CXCL13: variants seen among roughly 807,000 people sequenced by gnomAD.
CXCL13 encodes the protein C-X-C motif chemokine ligand 13, also known as C-X-C motif chemokine 13.
CXCL13 carries 7 observed loss-of-function variants against 12.2 expected under a neutral mutation model. The ratio of observed to expected loss-of-function variants is 0.57; its 90% CI spans 0.33 to 1.07. CXCL13 has a LOEUF of 1.07. CXCL13 is among the 50% of genes least tolerant of loss of function. CXCL13 has a pLI of 0.04. For synonymous variants in CXCL13, 47 were observed against 42.4 expected (o/e 1.11, Z -0.42); for missense variants, 113 against 127.4 (o/e 0.89, Z 0.55).
At chr4:77,610,757 G>A (rs1727126625) in intron 3 of CXCL13, 63 bp downstream of exon 3, 1 of 1,301,832 alleles carries the variant, frequency 7.7e-7, no homozygotes, top group Non-Finnish European at 1.1e-6. Flanking sequence ...CCCTTTCCTG[G>A]GCAGTCAAAA....
rs139624775 is a variant in CXCL13, at chr4:77,568,967, C to G, written c.-42-36857C>G. On this transcript the variant is annotated intron_variant, in intron 1 of 4. Coordinates refer to the CXCL13 transcript ENST00000286758. ...GGAAAATAGCTGGGTTCTTGAAAGA[C>G]TTAGAAAAACTTCTATATCTAGCAG... Among the ~76,000 whole-genome samples the G allele has an allele frequency of 1.2e-3, 183 of 152,300 alleles. 4 individuals are homozygous for G. In the East Asian group the frequency reaches 0.026, roughly 22 times the overall value.
chr4:77,603,000 A>G (rs1054027500), upstream of CXCL13, among the ~76,000 whole-genome samples: 1 of 152,212 alleles, frequency 6.6e-6, no homozygotes, highest in Non-Finnish European at 1.5e-5. Context: ...CTGGGCATTA[A>G]AGAAACTGAA....
rs142728821 is a variant in CXCL13 at position 77,526,811 on chromosome 4, G to A, written c.-43+15023G>A. On this transcript the variant is annotated intron_variant, in intron 1 of 4. Transcript: ENST00000286758. ...GCTTAGGGAGGCCAGGGAGCCTTTC[G>A]TGAAGAAGAGGCCTTTGAGCTGAGA... Among the ~76,000 whole-genome samples the A allele has an allele frequency of 4.5e-3, 678 of 152,220 alleles. 18 individuals are homozygous for A. Among genetic ancestry groups the A allele is most frequent in the East Asian group, 0.026 (136 of 5,172 alleles).
intron 1 of CXCL13, among the ~76,000 whole-genome samples, chr4:77,546,188 C>T (rs1429256698): frequency 6.6e-6 from 1 of 151,810 alleles, no homozygotes; most frequent in Non-Finnish European, 1.5e-5. Context: ...ATGTTCATCA[C>T]TGATATTGGT....
At chr4:77,591,273 C>T (rs1275207704) in intron 1 of CXCL13, among the ~76,000 whole-genome samples, 2 of 151,980 alleles carry the variant, frequency 1.3e-5, no homozygotes, top group South Asian at 4.2e-4. Flanking sequence ...GTTTCTCAGC[C>T]GGGCGCAGTG....
chr4:77,539,325 C>T (rs1236061226), intron 1 of CXCL13, among the ~76,000 whole-genome samples: 1 of 152,178 alleles, frequency 6.6e-6, no homozygotes, highest in Non-Finnish European at 1.5e-5. Context: ...CAGGGGTTTG[C>T]CACTTTGGCC....
intron 1 of CXCL13, among the ~76,000 whole-genome samples, chr4:77,518,581 T>C (rs1724490546): frequency 6.6e-6 from 1 of 152,226 alleles, no homozygotes; most frequent in African/African-American, 2.4e-5. Context: ...TTCCAGTTGA[T>C]CGCATCAGCT....
intron 1 of CXCL13, among the ~76,000 whole-genome samples, chr4:77,555,919 C>T (rs1295836054): frequency 6.6e-6 from 1 of 151,986 alleles, no homozygotes; most frequent in East Asian, 1.9e-4. Context: ...TTTTACATAC[C>T]CATAGAATGG....
chr4:77,544,459 T>C (rs939632488), intron 1 of CXCL13, among the ~76,000 whole-genome samples: 1 of 152,218 alleles, frequency 6.6e-6, no homozygotes, highest in Non-Finnish European at 1.5e-5. Flanking sequence ...TGAGATGGTA[T>C]CTCATTGTGG....
intron 1 of CXCL13, among the ~76,000 whole-genome samples, chr4:77,573,279 A>G (rs996138019): frequency 2.0e-4 from 30 of 151,716 alleles, no homozygotes; most frequent in Admixed American, 2.6e-4. Flanking sequence ...AAGAGAAATA[A>G]TTTGAATCCA....
intron 1 of CXCL13, among the ~76,000 whole-genome samples, chr4:77,517,456 G>A (rs1470619028): frequency 2.0e-5 from 3 of 152,104 alleles, no homozygotes; most frequent in Non-Finnish European, 2.9e-5. Flanking sequence ...CTCTTTGTAG[G>A]TCACTCAGGG....
chr4:77,541,181 A>G (rs1255983546), intron 1 of CXCL13, among the ~76,000 whole-genome samples: 1 of 152,078 alleles, frequency 6.6e-6, no homozygotes, highest in African/African-American at 2.4e-5. Context: ...CAGTTTGTGA[A>G]TATTTCTCTC....
chr4:77,601,593 A>G (rs923925745), upstream of CXCL13, among the ~76,000 whole-genome samples: 1 of 152,220 alleles, frequency 6.6e-6, no homozygotes. Flanking sequence ...AGTATCACCT[A>G]TGTGCCTACT....
intron 1 of CXCL13, among the ~76,000 whole-genome samples, chr4:77,593,839 A>G (rs943395118): frequency 7.2e-5 from 11 of 152,152 alleles, no homozygotes; most frequent in Admixed American, 7.2e-4. Context: ...CCAGTCGAGG[A>G]GAGGTGAGGA....
chr4:77,587,520 G>A (rs970880148), intron 1 of CXCL13, among the ~76,000 whole-genome samples: 1 of 152,214 alleles, frequency 6.6e-6, no homozygotes, highest in African/African-American at 2.4e-5. Context: ...TGGCTCATAG[G>A]AGGGAGAGAC....
chr4:77,525,961 A>T (rs1724753662), intron 1 of CXCL13, among the ~76,000 whole-genome samples: 1 of 151,122 alleles, frequency 6.6e-6, no homozygotes, highest in Admixed American at 6.6e-5. Context: ...TAAATCTTAA[A>T]TGCTACTACT....
chr4:77,602,313 A>G (rs1021352659), upstream of CXCL13, among the ~76,000 whole-genome samples: 12 of 152,172 alleles, frequency 7.9e-5, no homozygotes, highest in African/African-American at 2.9e-4. Context: ...TGTCCTGTCC[A>G]CTTTTACTAA....
chr4:77,517,571 T>C (rs1724459237), intron 1 of CXCL13, among the ~76,000 whole-genome samples: 1 of 152,238 alleles, frequency 6.6e-6, no homozygotes, highest in African/African-American at 2.4e-5. Context: ...ATGGCCTTCT[T>C]TGTCTCTTTT....
At chr4:77,559,935 A>AC (rs1359348059) in intron 1 of CXCL13, among the ~76,000 whole-genome samples, 3 of 151,210 alleles carry the variant, frequency 2.0e-5, no homozygotes, top group African/African-American at 4.9e-5. Flanking sequence ...AAAAAAAAAA[A>AC]AAAAACCTGA....
Sources: allele counts gnomAD v4.1 joint callset (sites outside exome capture counted in the v4.1 genomes callset), GRCh38; gene constraint gnomAD v4.1.1; transcripts MANE v1.5; gene names NCBI Gene and HGNC (gene_info 2026-07-23, HGNC 2026-07-21).